The following ARMC2 variants were observed in gnomAD, a reference collection of about 807,000 sequenced individuals.
The protein encoded by ARMC2 is armadillo repeat-containing protein 2.
Under a neutral mutation model 90.3 loss-of-function variants are expected in ARMC2, and 67 were observed. The ratio of observed to expected loss-of-function variants is 0.74; its 90% confidence interval spans 0.61 to 0.91. The LOEUF (loss-of-function observed/expected upper bound fraction) is 0.91, where lower values mean the gene tolerates loss of function less well. ARMC2 is among the 40% of genes least tolerant of loss of function. ARMC2 has a pLI of 0.00. For missense variants in ARMC2, 920 were observed against 1,030.9 expected (o/e 0.89, Z 1.47); for synonymous variants, 393 against 393.0 (o/e 1.00, Z 0.00).
At chr6:108,878,895 A>G (rs1177164409) in intron 5 of ARMC2, among the ~76,000 whole-genome samples, 4 of 151,974 alleles carry the variant, frequency 2.6e-5, no homozygotes, top group African/African-American at 9.7e-5. Context: ...CCATCCATCC[A>G]CCCATTCACC....
the ARMC2 span, chr6:109,000,650 G>A: frequency 2.5e-6 from 4 of 1,603,572 alleles, no homozygotes; most frequent in Admixed American, 5.1e-5. Flanking sequence ...TCACTAAGTA[G>A]GAGCACTGAT....
chr6:108,871,116 A>G (rs1215204827), intron 4 of ARMC2, among the ~76,000 whole-genome samples: 1 of 152,168 alleles, frequency 6.6e-6, no homozygotes, highest in African/African-American at 2.4e-5. Flanking sequence ...AGCGAGTGCA[A>G]TGACCGGGCA....
At chr6:109,001,104 G>C in the ARMC2 span, among the ~76,000 whole-genome samples, 1 of 152,088 alleles carries the variant, frequency 6.6e-6, no homozygotes, top group Admixed American at 6.6e-5. Context: ...ATAAATACTT[G>C]CTTCTTTTTC....
At chr6:108,901,381 C>G (rs1293605823) in intron 7 of ARMC2, among the ~76,000 whole-genome samples, 1 of 147,892 alleles carries the variant, frequency 6.8e-6, no homozygotes, top group East Asian at 2.0e-4. Flanking sequence ...TCCCAAAGTG[C>G]TGGGATTACA....
chr6:108,998,584 A>T, the ARMC2 span: 1 of 1,613,964 alleles, frequency 6.2e-7, no homozygotes. Flanking sequence ...TCACAGATGC[A>T]GTAGTTGCTA....
At chr6:108,968,595 G>A (rs1044303954) in intron 17 of ARMC2, among the ~76,000 whole-genome samples, 9 of 152,218 alleles carry the variant, frequency 5.9e-5, no homozygotes, top group Admixed American at 1.3e-4. Flanking sequence ...TGACCGGGTC[G>A]TGGCTGGGTC....
At chr6:108,925,932 A>T (rs1775069160) in intron 10 of ARMC2, among the ~76,000 whole-genome samples, 1 of 152,200 alleles carries the variant, frequency 6.6e-6, no homozygotes, top group South Asian at 2.1e-4. Flanking sequence ...TGGGTTATTT[A>T]TGAAAGTTAT....
chr6:108,851,666 C>T (rs1253950224), intron 1 of ARMC2, among the ~76,000 whole-genome samples: 1 of 151,990 alleles, frequency 6.6e-6, no homozygotes, highest in Non-Finnish European at 1.5e-5. Flanking sequence ...CCATGGATTA[C>T]ATGGTGGCTC....
chr6:108,912,190 C>A, intron 9 of ARMC2, 145 bp from the exon 10 acceptor site: 1 of 599,260 alleles, frequency 1.7e-6, no homozygotes, highest in Non-Finnish European at 2.8e-6. Context: ...TTCTCTTATA[C>A]TATATAACTC....
chr6:108,886,907 G>T (rs532319541), intron 5 of ARMC2, among the ~76,000 whole-genome samples: 330 of 144,752 alleles, frequency 2.3e-3, no homozygotes, highest in Non-Finnish European at 3.4e-3. Context: ...TGTTTGTTTT[G>T]TTTTTTTTTT....
intron 12 of ARMC2, 49 bp from the exon 13 acceptor site, chr6:108,952,984 G>A (rs1217799551): frequency 6.8e-7 from 1 of 1,475,870 alleles, no homozygotes; most frequent in Non-Finnish European, 9.2e-7. Flanking sequence ...TCCCCACGAT[G>A]TGTTCCAGCC....
At chr6:109,021,578 C>G in the ARMC2 span, among the ~76,000 whole-genome samples, 1 of 151,980 alleles carries the variant, frequency 6.6e-6, no homozygotes, top group Non-Finnish European at 1.5e-5. Context: ...GCTGGGACTA[C>G]GGATGCCTGC....
chr6:108,986,575 T>A, the ARMC2 span: 2 of 152,670 alleles, frequency 1.3e-5, no homozygotes, highest in Non-Finnish European at 2.9e-5. Context: ...AGTTAGCGTT[T>A]TTGTAAATCA....
In ARMC2 at chr6:108,912,342, A is replaced by T. The variant is rs1773523737; in HGVS notation, c.1134A>T (p.Leu378Phe). 6.3e-7 allele frequency: 1 copy of T among 1,596,616 alleles called. No individual in the cohort carries two copies. The highest frequency in any genetic ancestry group is 8.5e-7 in the Non-Finnish European group (1 of 1,171,346). ...AATTAATCTTTTTGACAGAATCATT[A>T]TTGGAGGTACTAAGAAGTGAAGACC... ...LIQNDSILES[L>F]LEVLRSEDLQ... Residue 378 changes from leucine to phenylalanine, a missense_variant, in exon 10 of 18, where the codon TTA becomes TTT. Leu to Phe is a conservative substitution (Grantham distance 22). Coordinates refer to ENST00000392644, the MANE Select transcript of ARMC2 (RefSeq NM_032131.6).
chr6:109,034,717 C>T, the ARMC2 span, among the ~76,000 whole-genome samples: 1 of 152,188 alleles, frequency 6.6e-6, no homozygotes, highest in Non-Finnish European at 1.5e-5. Flanking sequence ...AGTGAGAAAG[C>T]ATATGCTTAT....
the ARMC2 span, among the ~76,000 whole-genome samples, chr6:109,044,750 G>A: frequency 3.3e-5 from 5 of 151,928 alleles, no homozygotes; most frequent in East Asian, 3.9e-4. Context: ...TCAGCCGGGC[G>A]CAGTGGCTCA....
intron 10 of ARMC2, among the ~76,000 whole-genome samples, chr6:108,913,521 T>C (rs1377311835): frequency 3.9e-5 from 6 of 152,228 alleles, no homozygotes; most frequent in Non-Finnish European, 7.3e-5. Context: ...ATGCTCCCAG[T>C]GTTATCGAAT....
intron 11 of ARMC2, among the ~76,000 whole-genome samples, chr6:108,931,604 A>G (rs1775567588): frequency 6.6e-6 from 1 of 151,864 alleles, no homozygotes; most frequent in African/African-American, 2.4e-5. Flanking sequence ...TGACTTTTTA[A>G]TAATAGCCAT....
At chr6:109,047,426 G>A in the ARMC2 span, among the ~76,000 whole-genome samples, 1 of 136,366 alleles carries the variant, frequency 7.3e-6, no homozygotes, top group African/African-American at 2.6e-5. Context: ...ACTGGGAAGT[G>A]AGGAGCCCCT....
Sources: gnomAD v4.1 joint callset for allele counts (sites outside exome capture counted in the v4.1 genomes callset) on GRCh38, gnomAD v4.1.1 for gene constraint, MANE v1.5 for transcripts, NCBI Gene and HGNC (gene_info 2026-07-23, HGNC 2026-07-21) for gene names.